Variants in L3MBTL4 observed in about 807,000 individuals in gnomAD.
L3MBTL4 encodes lethal(3)malignant brain tumor-like protein 4.
A neutral mutation model predicts 84.5 loss-of-function variants in L3MBTL4; 70 were observed. That is an observed-to-expected ratio of 0.83 (90% CI 0.68 to 1.01). L3MBTL4 has a LOEUF of 1.01. Ranked by LOEUF, L3MBTL4 falls within the 50% of genes least tolerant of loss-of-function variation. The pLI is 0.00. For synonymous variants in L3MBTL4, 274 were observed against 259.8 expected (o/e 1.05, Z -0.52); for missense variants, 715 against 754.8 (o/e 0.95, Z 0.62).
chr18:6,356,920 A>T (rs150009738), intron 1 of L3MBTL4: 7 of 152,350 alleles, frequency 4.6e-5, no homozygotes, highest in Non-Finnish European at 1.0e-4. Flanking sequence ...CACCAGCATC[A>T]CCACAAACAC....
At position 6,176,818 on chromosome 18, in the gene L3MBTL4, T is replaced by C. The variant is rs79495609; in HGVS notation, c.982-4876A>G. Among the ~76,000 whole-genome samples, 1,209 of 152,124 alleles carry C rather than the reference T, an allele frequency of 7.9e-3. 20 individuals carry two copies. Among genetic ancestry groups the C allele is most frequent in the African/African-American group, 0.028 (1,158 of 41,530 alleles). On this transcript the variant is annotated intron_variant, in intron 12 of 18. Transcript: ENST00000317931. ...ACAAGAGACTTGACAAAAAATTCAA[T>C]GTAAAAAATGAGCAAAAGACTCAAT...
At chr18:6,295,336 CTCTCTCTCTCTATATA>C (rs2050052693) in intron 4 of L3MBTL4, among the ~76,000 whole-genome samples, 2 of 130,818 alleles carry the variant, frequency 1.5e-5, no homozygotes, top group African/African-American at 3.4e-5. Flanking sequence ...CTCTCTCTCT[CTCTCTCTCTCTATATA>C]TATATATATA....
At chr18:6,078,169 G>C (rs886537446) in intron 16 of L3MBTL4, among the ~76,000 whole-genome samples, 2 of 150,030 alleles carry the variant, frequency 1.3e-5, no homozygotes, top group African/African-American at 4.9e-5. Context: ...GCTCACACCT[G>C]TAATCCCAGC....
At chr18:6,152,892 T>C (rs1342946705) in intron 13 of L3MBTL4, among the ~76,000 whole-genome samples, 2 of 152,206 alleles carry the variant, frequency 1.3e-5, no homozygotes, top group Non-Finnish European at 2.9e-5. Flanking sequence ...CTTTAATCCA[T>C]TTCAAGTTAA....
chr18:6,006,014 A>AC (rs1381562857), intron 16 of L3MBTL4, among the ~76,000 whole-genome samples: 1 of 144,546 alleles, frequency 6.9e-6, no homozygotes, highest in Non-Finnish European at 1.5e-5. Flanking sequence ...CCATAATTTA[A>AC]AAAAAAAAAC....
intron 16 of L3MBTL4, among the ~76,000 whole-genome samples, chr18:6,064,983 G>C (rs150308694): frequency 6.6e-6 from 1 of 151,906 alleles, no homozygotes; most frequent in East Asian, 1.9e-4. Context: ...GTTGCCTGTG[G>C]GTTTACCTTA....
chr18:6,166,753 A>G (rs2043681469), intron 13 of L3MBTL4, among the ~76,000 whole-genome samples: 4 of 152,200 alleles, frequency 2.6e-5, no homozygotes, highest in African/African-American at 4.8e-5. Context: ...ACACCCTAAC[A>G]TAACAATTAA....
Position 5,960,111 on chromosome 18 carries a change from T to C in L3MBTL4, c.1660A>G (p.Lys554Glu), listed in dbSNP as rs1421173340. 1.3e-6 allele frequency: 2 copies of C among 1,564,772 alleles called. No homozygotes were observed. The highest frequency in any genetic ancestry group is 2.7e-5 in the African/African-American group (2 of 73,842). Residue 554 changes from lysine to glutamate, a missense_variant, in exon 18 of 19, where the codon AAG (lysine) becomes GAG (glutamate). Coordinates refer to ENST00000317931, the MANE Select transcript of L3MBTL4 (RefSeq NM_001330559.2). Reference protein sequence around the residue: ...QSLLGCEEHAKCFKKEQIDGK... With the variant: ...QSLLGCEEHAECFKKEQIDGK... ...TCTCTTACCTCTTTCTTAAAGCACTTGGCATGCTCTTCACAGCCCAGAAGA... is the reference window on the plus strand; with the variant it reads ...TCTCTTACCTCTTTCTTAAAGCACTCGGCATGCTCTTCACAGCCCAGAAGA...
intron 1 of L3MBTL4, among the ~76,000 whole-genome samples, chr18:6,378,231 T>C (rs2054452921): frequency 6.6e-6 from 1 of 152,222 alleles, no homozygotes; most frequent in South Asian, 2.1e-4. Flanking sequence ...CTTTGTCAGA[T>C]GGATAGATTG....
intron 10 of L3MBTL4, among the ~76,000 whole-genome samples, chr18:6,226,975 G>A (rs1164192892): frequency 1.3e-5 from 2 of 151,938 alleles, no homozygotes; most frequent in Non-Finnish European, 2.9e-5. Context: ...TAAAAAGTAT[G>A]GAAAAAGATA....
chr18:6,114,561 C>T (rs2059300438), intron 14 of L3MBTL4, among the ~76,000 whole-genome samples: 3 of 152,154 alleles, frequency 2.0e-5, no homozygotes, highest in Admixed American at 2.0e-4. Context: ...GTGCCTTGGA[C>T]ACAGCAATAT....
rs2095222859 is a variant in L3MBTL4 at position 5,955,649 on chromosome 18, T to C, written c.*571A>G. On this transcript the variant is annotated 3_prime_UTR_variant, in exon 19 of 19. Transcript: ENST00000317931. The stretch of plus-strand genomic sequence containing the variant: ...TGGAACAAAAAGGAGAATTAATGAA[T>C]CATGAAAACATGTGCTTATTATTAT... 6.6e-6 allele frequency: 1 copy of C among 152,344 alleles called. No individual in the cohort carries two copies. Among genetic ancestry groups the C allele is most frequent in the Middle Eastern group, 3.4e-3 (1 of 294 alleles). 9.4% of individuals were successfully genotyped at this position (152,344 alleles called of 1,614,324 possible). A position where few individuals can be genotyped will look rare whatever the true frequency, so the allele number is the denominator to read the frequency against.
intron 1 of L3MBTL4, among the ~76,000 whole-genome samples, chr18:6,337,989 T>C (rs1435553143): frequency 2.0e-5 from 3 of 151,746 alleles, no homozygotes; most frequent in South Asian, 2.1e-4. Flanking sequence ...CATAAGACAA[T>C]AGAATGGCCT....
rs1171584890 is a variant in L3MBTL4, at chr18:6,295,338, CTCTCTCTCTATA to C, written c.127+6553_127+6564del. ...TCTCTCTCTCTCTCTCTCTCTCTCT[CTCTCTCTCTATA>C]TATATATATATATATATATATACAG... On this transcript the variant is annotated intron_variant, in intron 4 of 18. Transcript: ENST00000317931. 6.3e-3 allele frequency among the ~76,000 whole-genome samples: 794 copies of C among 126,406 alleles called. 2 individuals carry two copies. The highest frequency in any genetic ancestry group is 8.8e-3 in the Non-Finnish European group (552 of 62,718). 82.9% of individuals were successfully genotyped at this position (126,406 alleles called of 152,430 possible). A position where few individuals can be genotyped will look rare whatever the true frequency, so the allele number is the denominator to read the frequency against.
chr18:6,056,818 T>G (rs930428660), intron 16 of L3MBTL4, among the ~76,000 whole-genome samples: 3 of 152,156 alleles, frequency 2.0e-5, no homozygotes, highest in African/African-American at 7.2e-5. Context: ...CTGTGTGACG[T>G]TGGGTAAATC....
rs2059415716 is a variant in L3MBTL4 at position 6,118,208 on chromosome 18, A to ACACACACACACACACAC, written c.1199+19985_1199+19986insGTGTGTGTGTGTGTGTG. Among the ~76,000 whole-genome samples the ACACACACACACACACAC allele has an allele frequency of 2.5e-4, 36 of 141,850 alleles. 1 individual carries two copies. The highest frequency in any genetic ancestry group is 9.5e-4 in the South Asian group (4 of 4,228). The allele number at this position is 141,850 out of a possible 152,430, so 93.1% of individuals were successfully genotyped here. On this transcript the variant is annotated intron_variant, in intron 14 of 18. Transcript: ENST00000317931. The stretch of plus-strand genomic sequence containing the variant: ...TCTCTCTGTCTCTTAAACACACACA[A>ACACACACACACACACAC]ACACACACACACACACACACGAGCA...
intron 14 of L3MBTL4, among the ~76,000 whole-genome samples, chr18:6,116,051 G>A (rs1250298195): frequency 1.3e-5 from 2 of 152,228 alleles, no homozygotes; most frequent in African/African-American, 4.8e-5. Flanking sequence ...AGGAGCAAGA[G>A]AGAACAACAA....
intron 1 of L3MBTL4, among the ~76,000 whole-genome samples, chr18:6,331,900 A>G (rs765487968): frequency 2.0e-5 from 3 of 152,020 alleles, no homozygotes; most frequent in Non-Finnish European, 4.4e-5. Flanking sequence ...TAGAGGATAA[A>G]TTAAGATAAC....
intron 12 of L3MBTL4, among the ~76,000 whole-genome samples, chr18:6,208,237 C>A (rs1421449955): frequency 1.3e-5 from 2 of 152,210 alleles, no homozygotes; most frequent in African/African-American, 2.4e-5. Flanking sequence ...ACATCACTAA[C>A]TCATATCTGG....
Sources: allele counts gnomAD v4.1 joint callset (sites outside exome capture counted in the v4.1 genomes callset), GRCh38; gene constraint gnomAD v4.1.1; transcripts MANE v1.5; gene names NCBI Gene and HGNC (gene_info 2026-07-23, HGNC 2026-07-21).